The following CCDC150 variants were observed in gnomAD, a reference collection of about 807,000 sequenced individuals.
CCDC150 encodes coiled-coil domain containing 150, also known as coiled-coil domain-containing protein 150.
In CCDC150, 151 loss-of-function variants were observed where a neutral mutation model predicts 156.5. The observed-to-expected ratio is 0.97, with a 90% confidence interval of 0.85 to 1.10. The LOEUF is 1.10. Among genes scored for constraint, CCDC150 ranks in the 50% least tolerant of loss-of-function variants. The pLI, the probability that CCDC150 is intolerant of heterozygous loss-of-function variation, is 0.00. For synonymous variants in CCDC150, 452 were observed against 429.4 expected (o/e 1.05, Z -0.65); for missense variants, 1,312 against 1,268.1 (o/e 1.03, Z -0.53).
chr2:196,673,245 T>C (rs570376643), intron 9 of CCDC150, among the ~76,000 whole-genome samples: 1 of 152,242 alleles, frequency 6.6e-6, no homozygotes, highest in South Asian at 2.1e-4. Context: ...CCCTATGAAA[T>C]GGAAACTTAT....
At chr2:196,728,120 C>CAGCAATGG (rs1477144351) in intron 22 of CCDC150, 1 of 151,812 alleles carries the variant, frequency 6.6e-6, no homozygotes, top group African/African-American at 2.4e-5. Flanking sequence ...AAGTTGGCAG[C>CAGCAATGG]AGCAATGGGC....
chr2:196,726,141 TAGGATA>T (rs1488579156), intron 22 of CCDC150, 42 bp downstream of exon 22: 1 of 1,605,450 alleles, frequency 6.2e-7, no homozygotes, highest in South Asian at 1.1e-5. Flanking sequence ...GAATGCCTCT[TAGGATA>T]AGCAGCTCAA....
chr2:196,655,017 C>T (rs775404753), intron 2 of CCDC150, among the ~76,000 whole-genome samples: 21 of 152,202 alleles, frequency 1.4e-4, no homozygotes, highest in Non-Finnish European at 2.4e-4. Context: ...ACAGTAGCCA[C>T]GCTCTCTAGA....
At chr2:196,709,964 G>T (rs1411609250) in intron 15 of CCDC150, among the ~76,000 whole-genome samples, 2 of 152,212 alleles carry the variant, frequency 1.3e-5, no homozygotes, top group Non-Finnish European at 2.9e-5. Context: ...CTACATGGGG[G>T]TCAGGGACCC....
intron 21 of CCDC150, among the ~76,000 whole-genome samples, chr2:196,725,404 A>G (rs1698156133): frequency 6.6e-6 from 1 of 152,244 alleles, no homozygotes; most frequent in Non-Finnish European, 1.5e-5. Flanking sequence ...ATTTCAGGCA[A>G]TTCCAGCATC....
chr2:196,669,998 A>G (rs995946227), intron 8 of CCDC150, 122 bp downstream of exon 8: 2 of 621,836 alleles, frequency 3.2e-6, no homozygotes, highest in African/African-American at 1.9e-5. Flanking sequence ...AAAAAGTTTC[A>G]TGTAAATGAG....
intron 2 of CCDC150, 29 bp from the exon 3 acceptor site, chr2:196,656,601 CATA>C (rs1232288776): frequency 6.9e-7 from 1 of 1,444,734 alleles, no homozygotes; most frequent in Admixed American, 1.9e-5. Flanking sequence ...AATTGCATTG[CATA>C]ATATTGTTAT....
In CCDC150 at chr2:196,695,159, G is replaced by A. The variant is rs1454788108; in HGVS notation, c.1623G>A (p.Gly541=). 1 of 1,556,134 alleles carries A rather than the reference G, an allele frequency of 6.4e-7. No homozygotes were observed. Among genetic ancestry groups the A allele is most frequent in the Admixed American group, 1.7e-5 (1 of 59,138 alleles). Residue 541 remains glycine, a splice_region_variant and synonymous_variant, in exon 14 of 28, where the codon GGG becomes GGA. Coordinates refer to ENST00000389175, the MANE Select transcript of CCDC150 (RefSeq NM_001080539.2). ...AGCAAGTCACTTCTGATTACCATGG[G>A]GTGGGTATAAAAAGATCAGTCTAAA... is the stretch of plus-strand genomic sequence containing the variant. ...ELQQVTSDYH[G]LAQQKVEKIT...
chr2:196,727,407 A>G (rs1559281432), intron 22 of CCDC150: 1 of 151,886 alleles, frequency 6.6e-6, no homozygotes, highest in Non-Finnish European at 1.5e-5. Flanking sequence ...CTCCGTCTCA[A>G]AAAAAAAGAA....
intron 21 of CCDC150, among the ~76,000 whole-genome samples, chr2:196,724,469 A>G (rs1698096306): frequency 6.6e-6 from 1 of 152,222 alleles, no homozygotes; most frequent in Admixed American, 6.5e-5. Context: ...CATTTGTTAC[A>G]TGCTCATGAT....
At chr2:196,701,238 A>G in intron 15 of CCDC150, 58 bp downstream of exon 15, 1 of 1,127,352 alleles carries the variant, frequency 8.9e-7, no homozygotes, top group South Asian at 1.4e-5. Flanking sequence ...CAATTATCAA[A>G]TTAAATATTG....
Position 196,709,903 on chromosome 2 carries a change from G to A in CCDC150, c.1696-2242G>A, listed in dbSNP as rs188469683. Among the ~76,000 whole-genome samples, 18 of 152,234 alleles carry A rather than the reference G, an allele frequency of 1.2e-4. No individual in the cohort carries two copies. In the East Asian group the frequency reaches 1.7e-3, roughly 15 times the overall value. ...GAAGTTTTGTCCTGGTGGGGCACCC[G>A]GCTGTATGAGGTGTCAGTTGGCCCC... On this transcript the variant is annotated intron_variant, in intron 15 of 27. Transcript: ENST00000389175.
chr2:196,662,943 A>G (rs1287274410), intron 5 of CCDC150, among the ~76,000 whole-genome samples: 1 of 151,952 alleles, frequency 6.6e-6, no homozygotes, highest in African/African-American at 2.4e-5. Context: ...ACCCACCCAC[A>G]AAAACTTAAA....
At chr2:196,677,511 C>A in intron 13 of CCDC150, 150 bp downstream of exon 13, 1 of 624,848 alleles carries the variant, frequency 1.6e-6, no homozygotes. Flanking sequence ...CAGAGCACAC[C>A]AGTCACTGCA....
intron 21 of CCDC150, among the ~76,000 whole-genome samples, chr2:196,722,730 A>G (rs1280607520): frequency 6.6e-6 from 1 of 152,126 alleles, no homozygotes; most frequent in African/African-American, 2.4e-5. Flanking sequence ...GTGTTTATGT[A>G]GTCGTTGGCA....
chr2:196,644,304 C>G (rs1485754508), intron 1 of CCDC150, among the ~76,000 whole-genome samples: 1 of 152,094 alleles, frequency 6.6e-6, no homozygotes, highest in Non-Finnish European at 1.5e-5. Flanking sequence ...GGTTTTCTCC[C>G]CATCTTTGGC....
Position 196,730,923 on chromosome 2 carries a change from A to T in CCDC150, c.3047A>T (p.Glu1016Val). The T allele has an allele frequency of 6.3e-7, 1 of 1,599,418 alleles. No homozygotes were observed. Among genetic ancestry groups the T allele is most frequent in the Non-Finnish European group, 8.5e-7 (1 of 1,172,796 alleles). The change falls in exon 26 of 28, where the codon GAA becomes GTA. Residue 1016 changes from glutamate to valine, a missense_variant. Transcript: ENST00000389175. ...CKEATENTLK[E>V]ASVESEQITA... ...GAGGCAACAGAGAATACGCTGAAAGAAGCCAGTGTGGAATCAGAACAGGTG... is the reference window on the plus strand; with the variant it reads ...GAGGCAACAGAGAATACGCTGAAAGTAGCCAGTGTGGAATCAGAACAGGTG...
chr2:196,708,215 GAT>G (rs1696822546), intron 15 of CCDC150, among the ~76,000 whole-genome samples: 1 of 152,124 alleles, frequency 6.6e-6, no homozygotes, highest in African/African-American at 2.4e-5. Context: ...ATATATTTAG[GAT>G]AGTTACCTCT....
chr2:196,713,078 C>T (rs897604495), intron 17 of CCDC150: 6 of 483,444 alleles, frequency 1.2e-5, no homozygotes, highest in African/African-American at 3.9e-5. Flanking sequence ...GAGTTCTAAC[C>T]ACTTGACTCT....
Sources: gnomAD v4.1 joint callset for allele counts (sites outside exome capture counted in the v4.1 genomes callset) on GRCh38, gnomAD v4.1.1 for gene constraint, MANE v1.5 for transcripts, NCBI Gene and HGNC (gene_info 2026-07-23, HGNC 2026-07-21) for gene names.